Variants in MFAP5 observed in about 807,000 individuals in gnomAD.
MFAP5 encodes microfibril associated protein 5.
MFAP5 carries 19 observed loss-of-function variants against 30.1 expected under a neutral mutation model. The observed-to-expected ratio is 0.63, with a 90% CI of 0.44 to 0.93. The LOEUF (loss-of-function observed/expected upper bound fraction) is 0.93. Ranked by LOEUF, MFAP5 falls within the 40% of genes least tolerant of loss-of-function variation. The probability of loss-of-function intolerance (pLI) is 0.00; values close to 1 mark genes in which losing one functional copy is unlikely to be tolerated. For missense variants in MFAP5, 210 were observed against 221.3 expected, an observed-to-expected ratio of 0.95 and a Z score of 0.32; for synonymous variants, 92 against 72.9, an observed-to-expected ratio of 1.26 and a Z score of -1.33.
At chr12:8,656,623 CATACACACACACACACACACACACACAT>C (rs2136474141) in intron 3 of MFAP5, among the ~76,000 whole-genome samples, 1 of 131,228 alleles carries the variant, frequency 7.6e-6, no homozygotes, top group South Asian at 2.4e-4. Flanking sequence ...TATATACACA[CATACACACACACACACACACACACACAT>C]ATATATATAT....
At chr12:8,654,153 C>T (rs1055465187) in intron 6 of MFAP5, 1 of 283,234 alleles carries the variant, frequency 3.5e-6, no homozygotes, top group East Asian at 5.9e-5. Context: ...AAAATTCAGT[C>T]AAAGCATTAC....
chr12:8,662,002 A>T, intron 2 of MFAP5, 45 bp downstream of exon 2: 1 of 1,564,050 alleles, frequency 6.4e-7, no homozygotes, highest in Non-Finnish European at 8.8e-7. Context: ...ACACGTGTAT[A>T]GCTGAGGAGC....
At position 8,650,496 on chromosome 12, in the gene MFAP5, C is replaced by G; in HGVS notation, c.335+6G>C. The G allele has an allele frequency of 6.2e-7, 1 of 1,613,116 alleles. No homozygotes were observed. The highest frequency in any genetic ancestry group is 1.1e-5 in the South Asian group (1 of 91,048). ...GATGCTTTTTGGGCATTCTGGGATC[C>G]CTTACCTGGTGAAGCATAACTGATG... On this transcript the variant is annotated splice_donor_region_variant and intron_variant, in intron 8 of 9. Transcript: ENST00000359478.
chr12:8,652,194 C>T (rs1941856235), intron 6 of MFAP5, among the ~76,000 whole-genome samples: 2 of 152,100 alleles, frequency 1.3e-5, no homozygotes, highest in Non-Finnish European at 2.9e-5. Context: ...CCTGTAATCC[C>T]AGCACTTTGG....
Position 8,648,109 on chromosome 12 carries a change from C to G in MFAP5, c.504G>C (p.Gln168His). 1 of 1,613,586 alleles carries G rather than the reference C, an allele frequency of 6.2e-7. No individual in the cohort carries two copies. The highest frequency in any genetic ancestry group is 8.5e-7 in the Non-Finnish European group (1 of 1,179,520). Residue 168 changes from glutamine to histidine, a missense_variant, in exon 10 of 10, where the codon CAG becomes CAC. Transcript: ENST00000359478. Reference sequence around the variant, plus strand: ...TCAATGATCACAGACCATTGGGTCTCTGCAAATCCACATTTTCACAGGGAG... The same window carrying G: ...TCAATGATCACAGACCATTGGGTCTGTGCAAATCCACATTTTCACAGGGAG... Reference protein sequence around the residue: ...RLPPCENVDLQRPNGL With the variant: ...RLPPCENVDLHRPNGL
At chr12:8,654,556 A>C in intron 5 of MFAP5, 75 bp from the exon 6 acceptor site, 2 of 1,384,686 alleles carry the variant, frequency 1.4e-6, no homozygotes, top group Non-Finnish European at 2.0e-6. Flanking sequence ...AAAAGGGAGA[A>C]TGGAGATACC....
rs1942127642 is a variant in MFAP5, at chr12:8,660,847, C to A, written c.94+16G>T. 1 of 1,608,028 alleles carries A rather than the reference C, an allele frequency of 6.2e-7. No homozygotes were observed. ...ATAAGAACCCCAACAGAGCCGCTAT[C>A]CAAGGGTTCACCTACCTCCTCGTTG... On this transcript the variant is annotated intron_variant, in intron 3 of 9. Transcript: ENST00000359478.
At position 8,648,215 on chromosome 12, in the gene MFAP5, G is replaced by A; in HGVS notation, c.410-12C>T. 6.3e-7 allele frequency: 1 copy of A among 1,593,734 alleles called. No homozygotes were observed. Among genetic ancestry groups the A allele is most frequent in the Middle Eastern group, 1.7e-4 (1 of 6,024 alleles). ...ACGGCAAAGCTCATCTAGAAGAGAA[G>A]CAGAACATCATGGGAAGAGAATGCA... On this transcript the variant is annotated splice_polypyrimidine_tract_variant and intron_variant, in intron 9 of 9. Coordinates refer to ENST00000359478, the MANE Select transcript of MFAP5 (RefSeq NM_003480.4).
At position 8,650,357 on chromosome 12, in the gene MFAP5, T is replaced by C. The variant is rs544733256; in HGVS notation, c.335+145A>G. On this transcript the variant is annotated intron_variant, in intron 8 of 9. Coordinates refer to ENST00000359478, the MANE Select transcript of MFAP5 (RefSeq NM_003480.4). ...AGCCCATACTCCAGGTTCTAGTTGGTACATTCAGCAATAACTAGGAGGGTT... is the reference window on the plus strand; with the variant it reads ...AGCCCATACTCCAGGTTCTAGTTGGCACATTCAGCAATAACTAGGAGGGTT... The C allele has an allele frequency of 1.3e-4, 87 of 690,646 alleles. No individual in the cohort carries two copies. The South Asian group carries it at 1.4e-3, about 11-fold the overall frequency. The allele number at this position is 690,646 out of a possible 1,614,324, so 42.8% of individuals were successfully genotyped here.
intron 3 of MFAP5, among the ~76,000 whole-genome samples, chr12:8,656,338 G>A (rs760526337): frequency 3.8e-4 from 57 of 151,324 alleles, no homozygotes; most frequent in Middle Eastern, 3.5e-3. Context: ...GTGAGCCACC[G>A]CGCCCAGCCC....
At chr12:8,653,859 A>G (rs1415965934) in intron 6 of MFAP5, among the ~76,000 whole-genome samples, 1 of 152,130 alleles carries the variant, frequency 6.6e-6, no homozygotes, top group Non-Finnish European at 1.5e-5. Context: ...AAAATAATCT[A>G]GCCGCCTATA....
intron 3 of MFAP5, among the ~76,000 whole-genome samples, chr12:8,656,829 A>G (rs1355068995): frequency 6.6e-6 from 1 of 151,532 alleles, no homozygotes; most frequent in Non-Finnish European, 1.5e-5. Flanking sequence ...CACCACACCC[A>G]GCTAATTTCT....
chr12:8,652,511 A>G (rs752464453), intron 6 of MFAP5, among the ~76,000 whole-genome samples: 3 of 152,162 alleles, frequency 2.0e-5, no homozygotes, highest in Non-Finnish European at 4.4e-5. Context: ...ACCTAGGGGC[A>G]AATTTAACAT....
chr12:8,651,092 G>C lies in MFAP5; in HGVS notation c.248-503C>G, dbSNP rs553752184. ...TGAGGCGGGAGAATCACTTCAACCTGGGAGGCGGAGGTTGCAGTGAGCCAA... is the reference window on the plus strand; with the variant it reads ...TGAGGCGGGAGAATCACTTCAACCTCGGAGGCGGAGGTTGCAGTGAGCCAA... On this transcript the variant is annotated intron_variant, in intron 7 of 9. Transcript: ENST00000359478. Among the ~76,000 whole-genome samples the C allele has an allele frequency of 5.1e-4, 78 of 152,172 alleles. 1 individual carries two copies. In the East Asian group the frequency reaches 6.4e-3, roughly 12 times the overall value.
intron 3 of MFAP5, among the ~76,000 whole-genome samples, chr12:8,656,388 T>C (rs1193951037): frequency 6.7e-6 from 1 of 149,346 alleles, no homozygotes; most frequent in Non-Finnish European, 1.5e-5. Flanking sequence ...GCTGATATGC[T>C]TAGGAGTGTT....
chr12:8,654,172 C>T, intron 6 of MFAP5: 1 of 367,504 alleles, frequency 2.7e-6, no homozygotes. Context: ...ACTTCTTCTA[C>T]CCTTTATCCT....
chr12:8,657,699 A>AGTGGCT (rs1393004906), intron 3 of MFAP5, among the ~76,000 whole-genome samples: 1 of 145,856 alleles, frequency 6.9e-6, no homozygotes, highest in Non-Finnish European at 1.5e-5. Flanking sequence ...CAGCCTCCTG[A>AGTGGCT]GTGGCTGGGA....
At chr12:8,658,378 C>G (rs964370864) in intron 3 of MFAP5, 3 of 152,074 alleles carry the variant, frequency 2.0e-5, no homozygotes, top group East Asian at 1.9e-4. Flanking sequence ...GACAAAAAAG[C>G]CTCTTAACCT....
At position 8,648,209 on chromosome 12, in the gene MFAP5, A is replaced by C. The variant is rs372458974; in HGVS notation, c.410-6T>G. ...CATCTGACGGCAAAGCTCATCTAGA[A>C]GAGAAGCAGAACATCATGGGAAGAG... is the stretch of plus-strand genomic sequence containing the variant. On this transcript the variant is annotated splice_region_variant and splice_polypyrimidine_tract_variant and intron_variant, in intron 9 of 9. Coordinates refer to ENST00000359478, the MANE Select transcript of MFAP5 (RefSeq NM_003480.4). 1 of 1,603,452 alleles carries C rather than the reference A, an allele frequency of 6.2e-7. No homozygotes were observed. The highest frequency in any genetic ancestry group is 8.5e-7 in the Non-Finnish European group (1 of 1,170,466).
Sources: gnomAD v4.1 joint callset for allele counts (sites outside exome capture counted in the v4.1 genomes callset) on GRCh38, gnomAD v4.1.1 for gene constraint, MANE v1.5 for transcripts, NCBI Gene and HGNC (gene_info 2026-07-23, HGNC 2026-07-21) for gene names.